The following EFCAB6 variants were observed in gnomAD, a reference collection of about 807,000 sequenced individuals.
EFCAB6 encodes EF-hand calcium binding domain 6.
Under a neutral mutation model 169.8 loss-of-function variants are expected in EFCAB6, and 156 were observed. The observed-to-expected ratio is 0.92, with a 90% confidence interval of 0.81 to 1.05. The LOEUF is 1.05. Ranked by LOEUF, EFCAB6 falls within the 50% of genes least tolerant of loss-of-function variation. The pLI, the probability that EFCAB6 is intolerant of heterozygous loss-of-function variation, is 0.00. For synonymous variants in EFCAB6, 698 were observed against 676.4 expected, an observed-to-expected ratio of 1.03 and a Z score of -0.50; for missense variants, 1,800 against 1,829.1, an observed-to-expected ratio of 0.98 and a Z score of 0.29.
At chr22:43,591,114 TTTTTTTTTTG>T (rs1260846759) in intron 23 of EFCAB6, among the ~76,000 whole-genome samples, 7 of 129,754 alleles carry the variant, frequency 5.4e-5, no homozygotes, top group South Asian at 2.3e-4. Flanking sequence ...GTTTTTTGTT[TTTTTTTTTTG>T]TTTTTTTTTT....
chr22:43,654,157 C>T (rs2056617996), intron 17 of EFCAB6, among the ~76,000 whole-genome samples: 1 of 152,012 alleles, frequency 6.6e-6, no homozygotes, highest in South Asian at 2.1e-4. Context: ...AGGCATGAGT[C>T]CATTCTAATA....
At chr22:43,618,910 CTTTTT>C (rs11302149) in intron 20 of EFCAB6, among the ~76,000 whole-genome samples, 2 of 145,612 alleles carry the variant, frequency 1.4e-5, no homozygotes, top group South Asian at 2.1e-4. Flanking sequence ...TTCTCTCTCT[CTTTTT>C]TTTTTTTTCT....
At chr22:43,721,710 G>C (rs1392373175) in intron 8 of EFCAB6, among the ~76,000 whole-genome samples, 3 of 152,120 alleles carry the variant, frequency 2.0e-5, no homozygotes, top group African/African-American at 7.2e-5. Flanking sequence ...AATGAATCTG[G>C]ACCCTTACCT....
Position 43,782,280 on chromosome 22 carries a change from C to T in EFCAB6, c.39G>A (p.Ser13=), listed in dbSNP as rs143450270. 1.0e-3 allele frequency: 1,682 copies of T among 1,613,916 alleles called. 14 individuals are homozygous for T. The African/African-American group carries it at 0.018, about 17-fold the overall frequency. Residue 13 remains serine (S), a synonymous_variant, in exon 3 of 32, where the codon TCG becomes TCA. Transcript: ENST00000262726. ...KMAIIPDWLR[S]HPHTRKFTHS... Reference sequence around the variant, plus strand: ...GTGTAAATTTTCGTGTGTGAGGATGCGACCTAAGCCAGTCTGGTATAATCG... The same window carrying T: ...GTGTAAATTTTCGTGTGTGAGGATGTGACCTAAGCCAGTCTGGTATAATCG...
In EFCAB6 at chr22:43,576,446, C is replaced by A; in HGVS notation, c.3271G>T (p.Ala1091Ser). Residue 1091 changes from alanine (A) to serine (S), a missense_variant, in exon 26 of 32, where the codon GCT (alanine) becomes TCT (serine). Physicochemically the swap from Ala to Ser is moderately conservative, Grantham distance 99 (BLOSUM62 1). Coordinates refer to ENST00000262726, the MANE Select transcript of EFCAB6 (RefSeq NM_022785.4). ...LDKEDTGFVKATEFGQVLKDF... is the reference protein window; with the variant it reads ...LDKEDTGFVKSTEFGQVLKDF... ...TTAAGAACTTGTCCGAATTCTGTAG[C>A]CTTTACAAATCCTGTATCCTCTTTA... 6.3e-7 allele frequency: 1 copy of A among 1,592,246 alleles called. No homozygotes were observed.
At chr22:43,646,252 C>CT (rs2056149700) in intron 17 of EFCAB6, among the ~76,000 whole-genome samples, 1 of 152,218 alleles carries the variant, frequency 6.6e-6, no homozygotes, top group Non-Finnish European at 1.5e-5. Context: ...CCAGGGCTCT[C>CT]TGTCACTCAG....
chr22:43,595,631 G>C (rs1372814142), intron 23 of EFCAB6, among the ~76,000 whole-genome samples: 1 of 152,106 alleles, frequency 6.6e-6, no homozygotes, highest in Non-Finnish European at 1.5e-5. Context: ...GAAAAGCCTA[G>C]GACCTGATGG....
rs368875107 is a variant in EFCAB6, at chr22:43,555,012, G to C, written c.3505C>G (p.Arg1169Gly). 1 of 1,614,230 alleles carries C rather than the reference G, an allele frequency of 6.2e-7. No homozygotes were observed. Among genetic ancestry groups the C allele is most frequent in the Non-Finnish European group, 8.5e-7 (1 of 1,180,038 alleles). ...TGGGAAGTCACTGCTTTGTGGAGGC[G>C]AGCCAGGATGTCTCTGTCGGCTGTG... ...KATADRDILA[R>G]LHKAVTSHYH... Residue 1169 changes from arginine to glycine, a missense_variant, in exon 27 of 32, where the codon CGC (arginine) becomes GGC (glycine). Arg to Gly is a moderately radical substitution (Grantham distance 125). Transcript: ENST00000262726.
rs577034797 is a variant in EFCAB6 at position 43,537,327 on chromosome 22, TGCCACAGGG to T, written c.4048+41_4048+49del. 2.6e-5 allele frequency: 42 copies of T among 1,593,074 alleles called. 1 individual carries two copies. The East Asian group carries it at 4.3e-4, about 16-fold the overall frequency. Reference sequence around the variant, plus strand: ...TTTGTACCCAGTGGGAACAGCCTCTTGCCACAGGGGCTGACCACATATTACCAAGCAGAT... The same window carrying T: ...TTTGTACCCAGTGGGAACAGCCTCTTGCTGACCACATATTACCAAGCAGAT... On this transcript the variant is annotated intron_variant, in intron 29 of 31. Transcript: ENST00000262726. The surrounding 1 kb of genome is among the most constrained non-coding windows in gnomAD (Gnocchi z 4.3).
intron 20 of EFCAB6, among the ~76,000 whole-genome samples, chr22:43,620,729 A>C (rs1168030236): frequency 6.6e-6 from 1 of 152,192 alleles, no homozygotes; most frequent in Non-Finnish European, 1.5e-5. Context: ...AAATACATGA[A>C]GCATAAATTA....
At chr22:43,707,431 A>T (rs2058998009) in intron 10 of EFCAB6, among the ~76,000 whole-genome samples, 1 of 152,200 alleles carries the variant, frequency 6.6e-6, no homozygotes. Context: ...AGATTGCAAT[A>T]GCAGGAGTGT....
intron 29 of EFCAB6, chr22:43,535,910 G>C (rs541908347): frequency 1.3e-5 from 2 of 152,232 alleles, no homozygotes. Context: ...AGGACATAGC[G>C]GGGGCCCATG....
At position 43,749,606 on chromosome 22, in the gene EFCAB6, C is replaced by T. The variant is rs1309030703; in HGVS notation, c.507+6160G>A. 3.9e-5 allele frequency among the ~76,000 whole-genome samples: 6 copies of T among 152,164 alleles called. No homozygotes were observed. The East Asian group carries it at 1.2e-3, about 29-fold the overall frequency. ...CTCCTATGAGAAGCTAATGCCGCTG[C>T]TGATCTGACAGGAGGCGGAGCTCAG... On this transcript the variant is annotated intron_variant, in intron 6 of 31. Coordinates refer to ENST00000262726, the MANE Select transcript of EFCAB6 (RefSeq NM_022785.4).
At chr22:43,757,633 C>G (rs190011624) in intron 5 of EFCAB6, among the ~76,000 whole-genome samples, 72 of 152,314 alleles carry the variant, frequency 4.7e-4, no homozygotes, top group African/African-American at 1.7e-3. Flanking sequence ...CAATGGAACA[C>G]AGCCTTGGAA....
chr22:43,602,590 A>T (rs1250890450), intron 22 of EFCAB6, among the ~76,000 whole-genome samples: 3 of 152,148 alleles, frequency 2.0e-5, no homozygotes, highest in Non-Finnish European at 4.4e-5. Flanking sequence ...GCCTTGTGGC[A>T]CCAGGACAAT....
intron 23 of EFCAB6, among the ~76,000 whole-genome samples, chr22:43,590,942 G>A (rs2051467332): frequency 6.6e-6 from 1 of 151,988 alleles, no homozygotes; most frequent in African/African-American, 2.4e-5. Flanking sequence ...TGTCGGTGCT[G>A]GGGCAAGGGA....
At chr22:43,771,308 G>A (rs958898052) in intron 4 of EFCAB6, among the ~76,000 whole-genome samples, 6 of 152,108 alleles carry the variant, frequency 3.9e-5, no homozygotes, top group African/African-American at 1.4e-4. Flanking sequence ...GCACATGCCT[G>A]TAATCCCACT....
chr22:43,627,941 T>G (rs1418681829), intron 19 of EFCAB6, among the ~76,000 whole-genome samples: 1 of 152,212 alleles, frequency 6.6e-6, no homozygotes, highest in African/African-American at 2.4e-5. Context: ...GAAATGAATT[T>G]AAAAGATGCC....
chr22:43,772,819 G>T, intron 4 of EFCAB6, 73 bp downstream of exon 4: 1 of 1,540,670 alleles, frequency 6.5e-7, no homozygotes, highest in Non-Finnish European at 8.9e-7. Flanking sequence ...AGACAGGAGA[G>T]GTTACCTGCT....
Sources: gnomAD v4.1 joint callset for allele counts (sites outside exome capture counted in the v4.1 genomes callset) on GRCh38, gnomAD v4.1.1 for gene constraint, Gnocchi (gnomAD v3.1) non-coding constraint, MANE v1.5 for transcripts, NCBI Gene and HGNC (gene_info 2026-07-23, HGNC 2026-07-21) for gene names.